ERAP1: variants seen among roughly 807,000 people sequenced by gnomAD.
ERAP1 encodes endoplasmic reticulum aminopeptidase 1, also known as adipocyte-derived leucine aminopeptidase.
In ERAP1, 86 loss-of-function variants were observed where a neutral mutation model predicts 103.7. That is an observed-to-expected ratio of 0.83 (90% CI 0.70 to 0.99). ERAP1 has a LOEUF of 0.99. ERAP1 is among the 50% of genes least tolerant of loss of function. The pLI is 0.00. For missense variants in ERAP1, 1,009 were observed against 1,128.4 expected (o/e 0.89, Z 1.52); for synonymous variants, 398 against 402.4 (o/e 0.99, Z 0.13).
At chr5:96,909,576 G>T in the ERAP1 span, 1 of 1,612,290 alleles carries the variant, frequency 6.2e-7, no homozygotes, top group Middle Eastern at 1.6e-4. Context: ...CATATTTTCT[G>T]CAGCGTTACC....
chr5:96,794,954 G>A, intron 5 of ERAP1, 88 bp downstream of exon 5: 7 of 1,510,428 alleles, frequency 4.6e-6, no homozygotes, highest in Non-Finnish European at 6.3e-6. Flanking sequence ...GGGCTGCTGA[G>A]GCAACTACAG....
chr5:96,865,683 T>C, the ERAP1 span, among the ~76,000 whole-genome samples: 1 of 152,236 alleles, frequency 6.6e-6, no homozygotes, highest in Non-Finnish European at 1.5e-5. Flanking sequence ...TAGGCTTTAA[T>C]TATGCCATAC....
At chr5:96,829,565 C>A in the ERAP1 span, among the ~76,000 whole-genome samples, 1 of 152,166 alleles carries the variant, frequency 6.6e-6, no homozygotes, top group South Asian at 2.1e-4. Context: ...CAGACATTGT[C>A]GTCCATAAGA....
the ERAP1 span, among the ~76,000 whole-genome samples, chr5:96,901,100 A>G: frequency 1.3e-5 from 2 of 152,202 alleles, no homozygotes; most frequent in Non-Finnish European, 2.9e-5. Context: ...TGAAATATTT[A>G]AAGCTTCCCT....
chr5:96,819,744 A>C, the ERAP1 span, among the ~76,000 whole-genome samples: 2 of 152,186 alleles, frequency 1.3e-5, no homozygotes, highest in Non-Finnish European at 2.9e-5. Flanking sequence ...TTAGGGATGA[A>C]TTTCCAGTAT....
chr5:96,827,942 G>A, the ERAP1 span, among the ~76,000 whole-genome samples: 35 of 152,214 alleles, frequency 2.3e-4, no homozygotes, highest in African/African-American at 7.7e-4. Flanking sequence ...ATTTAAACTC[G>A]AATTTATTAG....
exon 20 of ERAP1, chr5:96,761,089 G>T (rs2150669587): frequency 6.6e-6 from 1 of 152,172 alleles, no homozygotes; most frequent in South Asian, 2.1e-4. Flanking sequence ...TTTTTAAAGA[G>T]AGTGAAAAAT....
the ERAP1 span, among the ~76,000 whole-genome samples, chr5:96,878,550 T>C: frequency 2.6e-5 from 4 of 152,160 alleles, no homozygotes; most frequent in East Asian, 1.9e-4. Flanking sequence ...TTCCAGCTAA[T>C]TGGGAGGCTG....
intron 6 of ERAP1, 111 bp downstream of exon 6, chr5:96,793,692 T>C: frequency 4.9e-6 from 6 of 1,214,010 alleles, no homozygotes; most frequent in Non-Finnish European, 5.7e-6. Flanking sequence ...GAGAAACAAT[T>C]TTTCCTATTA....
the ERAP1 span, among the ~76,000 whole-genome samples, chr5:96,844,455 T>G: frequency 6.6e-6 from 1 of 152,244 alleles, no homozygotes; most frequent in African/African-American, 2.4e-5. Context: ...TATTTATTTA[T>G]TTTTTGCTTA....
chr5:96,788,374 A>G (rs1027854456), intron 11 of ERAP1, among the ~76,000 whole-genome samples, 157 bp downstream of exon 11: 1 of 152,250 alleles, frequency 6.6e-6, no homozygotes, highest in Non-Finnish European at 1.5e-5. Flanking sequence ...TACTGGGAAG[A>G]TGGGGGCAGG....
chr5:96,930,737 ACTTTGT>A, the ERAP1 span, among the ~76,000 whole-genome samples: 1 of 152,332 alleles, frequency 6.6e-6, no homozygotes, highest in South Asian at 2.1e-4. Context: ...TTTAGGCTGT[ACTTTGT>A]CTAAGAAACT....
chr5:96,891,506 T>TATGCGC, the ERAP1 span, among the ~76,000 whole-genome samples: 1 of 31,338 alleles, frequency 3.2e-5, no homozygotes, highest in African/African-American at 1.2e-4. Flanking sequence ...TGTGTATATA[T>TATGCGC]ATATATATAT....
rs1259497612 is a variant in ERAP1, at chr5:96,795,057, G to A, written c.904C>T (p.Pro302Ser). The A allele has an allele frequency of 6.2e-7, 1 of 1,613,976 alleles. No individual in the cohort carries two copies. The highest frequency in any genetic ancestry group is 8.5e-7 in the Non-Finnish European group (1 of 1,179,962). ...AAATCTCTACCTTGTTTGGGTAGGGGATACGGTATGCTGAAATAATCCTCA... is the reference window on the plus strand; with the variant it reads ...AAATCTCTACCTTGTTTGGGTAGGGAATACGGTATGCTGAAATAATCCTCA... ...FYEDYFSIPY[P>S]LPKQDLAAIP... Residue 302 changes from proline to serine, a missense_variant, in exon 5 of 19, where the codon CCC (proline) becomes TCC (serine). Physicochemically the swap from Pro to Ser is moderately conservative, Grantham distance 74 (BLOSUM62 -1). This residue lies in a region of ERAP1 where 392 missense variants were observed against 455.2 expected (regional missense o/e 0.86). Coordinates refer to ENST00000443439, the MANE Select transcript of ERAP1 (RefSeq NM_001040458.3).
intron 15 of ERAP1, among the ~76,000 whole-genome samples, chr5:96,782,627 C>T (rs1775379434): frequency 6.6e-6 from 1 of 152,124 alleles, no homozygotes; most frequent in South Asian, 2.1e-4. Flanking sequence ...TGAAGTGTAG[C>T]AAGAATAGGG....
the ERAP1 span, chr5:96,912,637 T>C: frequency 1.2e-6 from 2 of 1,603,722 alleles, no homozygotes; most frequent in Non-Finnish European, 1.7e-6. Context: ...GATATTACAG[T>C]ATACCAACAG....
upstream of ERAP1, among the ~76,000 whole-genome samples, chr5:96,811,945 C>T (rs1191182687): frequency 2.6e-5 from 4 of 152,160 alleles, no homozygotes; most frequent in Non-Finnish European, 5.9e-5. Flanking sequence ...GGTGACAGGC[C>T]CATCTAACTG....
intron 14 of ERAP1, among the ~76,000 whole-genome samples, chr5:96,783,510 T>G (rs1298215551): frequency 6.6e-6 from 1 of 152,228 alleles, no homozygotes; most frequent in Non-Finnish European, 1.5e-5. Context: ...AAAGAGAGTT[T>G]ACATGACTAA....
chr5:96,913,745 C>T, the ERAP1 span, among the ~76,000 whole-genome samples: 1 of 152,214 alleles, frequency 6.6e-6, no homozygotes, highest in Non-Finnish European at 1.5e-5. Flanking sequence ...CCCCCTCCCA[C>T]CATCCCTTCT....
Sources: allele counts gnomAD v4.1 joint callset (sites outside exome capture counted in the v4.1 genomes callset), GRCh38; gene constraint gnomAD v4.1.1; regional missense constraint gnomAD v4.1.1; transcripts MANE v1.5; gene names NCBI Gene and HGNC (gene_info 2026-07-23, HGNC 2026-07-21).